The following NEDD9 variants were observed in gnomAD, a reference collection of about 807,000 sequenced individuals.
NEDD9 encodes neural precursor cell expressed, developmentally down-regulated 9.
In NEDD9, 26 loss-of-function variants were observed where a neutral mutation model predicts 76.6. The observed-to-expected ratio is 0.34, with a 90% CI of 0.25 to 0.47. The LOEUF is 0.47. Ranked by LOEUF, NEDD9 falls within the 20% of genes least tolerant of loss-of-function variation. NEDD9 has a pLI of 1.00. For missense variants in NEDD9, 937 were observed against 1,058.5 expected, an observed-to-expected ratio of 0.89 and a Z score of 1.59; for synonymous variants, 392 against 414.2, an observed-to-expected ratio of 0.95 and a Z score of 0.65.
chr6:11,298,621 T>C (rs1342143733), intron 3 of NEDD9, among the ~76,000 whole-genome samples: 1 of 152,158 alleles, frequency 6.6e-6, no homozygotes, highest in African/African-American at 2.4e-5. Context: ...GTTGGCTGAG[T>C]AGGTATAAAA....
intron 1 of NEDD9, among the ~76,000 whole-genome samples, chr6:11,218,511 AC>A (rs1404794977): frequency 6.6e-6 from 1 of 152,046 alleles, no homozygotes; most frequent in Non-Finnish European, 1.5e-5. Flanking sequence ...TTACAGTACA[AC>A]TTGGATTGCC....
At chr6:11,291,267 G>GTTTTTTTTTTTTTTTTT (rs869185428) in intron 3 of NEDD9, among the ~76,000 whole-genome samples, 33 of 95,828 alleles carry the variant, frequency 3.4e-4, no homozygotes, top group East Asian at 1.3e-3. Context: ...ATAGAATGAG[G>GTTTTTTTTTTTTTTTTT]TTTTTTTTTT....
At chr6:11,379,466 C>T (rs780224129) in intron 1 of NEDD9, among the ~76,000 whole-genome samples, 1 of 152,088 alleles carries the variant, frequency 6.6e-6, no homozygotes, top group East Asian at 1.9e-4. Flanking sequence ...TGGGCACCTG[C>T]AATCCCAGCT....
At chr6:11,228,106 G>T (rs4713286) in intron 1 of NEDD9, among the ~76,000 whole-genome samples, 4,842 of 136,930 alleles carry the variant, frequency 0.035, 242 homozygotes, top group East Asian at 0.12. Context: ...CGGGTGGGGG[G>T]CTGGGGAGTA....
intron 2 of NEDD9, among the ~76,000 whole-genome samples, chr6:11,312,790 G>A (rs1761413981): frequency 1.3e-5 from 2 of 151,414 alleles, no homozygotes; most frequent in Non-Finnish European, 2.9e-5. Context: ...GGAAAGTGGG[G>A]AGACGTAAAA....
intron 3 of NEDD9, among the ~76,000 whole-genome samples, chr6:11,277,852 T>C (rs1760447923): frequency 6.6e-6 from 1 of 152,184 alleles, no homozygotes; most frequent in African/African-American, 2.4e-5. Flanking sequence ...TGATTAGTAA[T>C]AGCTAACTCG....
At chr6:11,230,803 C>A (rs1322490309) in intron 1 of NEDD9, among the ~76,000 whole-genome samples, 2 of 152,200 alleles carry the variant, frequency 1.3e-5, no homozygotes, top group Non-Finnish European at 2.9e-5. Flanking sequence ...TCCATGAATG[C>A]CAATCGCAGT....
chr6:11,304,432 T>C (rs1761127786), intron 3 of NEDD9, among the ~76,000 whole-genome samples: 1 of 152,200 alleles, frequency 6.6e-6, no homozygotes, highest in African/African-American at 2.4e-5. Context: ...GAAATACCAT[T>C]TGACCCAGCC....
At chr6:11,317,926 G>A (rs951728388) in intron 2 of NEDD9, among the ~76,000 whole-genome samples, 4 of 152,228 alleles carry the variant, frequency 2.6e-5, no homozygotes, top group African/African-American at 7.2e-5. Flanking sequence ...TCCCGATGCA[G>A]GTGGGCCTTG....
chr6:11,311,294 C>T (rs1027901999), intron 2 of NEDD9, among the ~76,000 whole-genome samples: 6 of 152,186 alleles, frequency 3.9e-5, no homozygotes, highest in African/African-American at 1.2e-4. Flanking sequence ...GCAGGGTGGG[C>T]CCCTCATCCA....
chr6:11,367,203 C>G (rs140613059), intron 1 of NEDD9, among the ~76,000 whole-genome samples: 3 of 152,332 alleles, frequency 2.0e-5, no homozygotes, highest in African/African-American at 7.2e-5. Context: ...ACACAGTGGT[C>G]TGAAAGTGCA....
chr6:11,250,285 C>T (rs1158106191), intron 3 of NEDD9, among the ~76,000 whole-genome samples: 1 of 152,168 alleles, frequency 6.6e-6, no homozygotes, highest in Non-Finnish European at 1.5e-5. Flanking sequence ...GCCCCCATGA[C>T]AAGCACAGTA....
At chr6:11,215,513 C>G (rs987979802) in intron 1 of NEDD9, among the ~76,000 whole-genome samples, 1 of 152,202 alleles carries the variant, frequency 6.6e-6, no homozygotes, top group African/African-American at 2.4e-5. Context: ...AAAATTGTCT[C>G]TGTTTCTCTT....
intron 2 of NEDD9, among the ~76,000 whole-genome samples, chr6:11,209,622 T>C (rs1448745205): frequency 6.6e-6 from 1 of 152,220 alleles, no homozygotes; most frequent in African/African-American, 2.4e-5. Flanking sequence ...TTTCTATGTA[T>C]GCTTCTGTTT....
intron 2 of NEDD9, among the ~76,000 whole-genome samples, chr6:11,307,888 G>T (rs1561826344): frequency 6.6e-6 from 1 of 152,024 alleles, no homozygotes; most frequent in Non-Finnish European, 1.5e-5. Flanking sequence ...TGGGCCTTGT[G>T]CTTTTGGGCT....
chr6:11,332,801 C>T (rs1009126784), intron 2 of NEDD9, among the ~76,000 whole-genome samples: 6 of 152,116 alleles, frequency 3.9e-5, no homozygotes, highest in African/African-American at 1.4e-4. Flanking sequence ...AGAGGTAGAT[C>T]TGTGCTTGAT....
rs869185428 is a variant in NEDD9, at chr6:11,291,267, G to GTTTTTTTTTTTTT, written c.12+14712_12+14724dup. Among the ~76,000 whole-genome samples, 19 of 95,830 alleles carry GTTTTTTTTTTTTT rather than the reference G, an allele frequency of 2.0e-4. 1 individual carries two copies. The highest frequency in any genetic ancestry group is 9.1e-4 in the African/African-American group (18 of 19,824). The allele number at this position is 95,830 out of a possible 152,430, so 62.9% of individuals were successfully genotyped here. Reference sequence around the variant, plus strand: ...GAGCACAGGGCAGAAATAGAATGAGGTTTTTTTTTTTTTTTTTTTTTTTTT... The same window carrying GTTTTTTTTTTTTT: ...GAGCACAGGGCAGAAATAGAATGAGGTTTTTTTTTTTTTTTTTTTTTTTTTTTTTTTTTTTTTT... On this transcript the variant is annotated intron_variant, in intron 3 of 3. Transcript: ENST00000397378.
rs1014243387 is a variant in NEDD9 at position 11,323,987 on chromosome 6, A to G, written c.-153+10514T>C. On this transcript the variant is annotated intron_variant, in intron 2 of 3. Transcript: ENST00000397378. ...TCCTAGAAGATGTCTTGTTTTTACC[A>G]AGAGGGTAGAGGGATGAGAGGAGCT... Among the ~76,000 whole-genome samples, 6 of 152,298 alleles carry G rather than the reference A, an allele frequency of 3.9e-5. No homozygotes were observed. In the East Asian group the frequency reaches 1.2e-3, roughly 29 times the overall value.
intron 1 of NEDD9, among the ~76,000 whole-genome samples, chr6:11,372,318 A>G (rs1762892543): frequency 6.6e-6 from 1 of 152,240 alleles, no homozygotes; most frequent in Non-Finnish European, 1.5e-5. Context: ...ATGTTGCTGC[A>G]AATGACTGGA....
Sources: gnomAD v4.1 joint callset for allele counts (sites outside exome capture counted in the v4.1 genomes callset) on GRCh38, gnomAD v4.1.1 for gene constraint, MANE v1.5 for transcripts, NCBI Gene and HGNC (gene_info 2026-07-23, HGNC 2026-07-21) for gene names.